Variants in MCC observed in about 807,000 individuals in gnomAD.
MCC encodes the protein MCC regulator of Wnt signaling pathway, also known as colorectal mutant cancer protein.
In MCC, 90 loss-of-function variants were observed where a neutral mutation model predicts 116.2. The ratio of observed to expected loss-of-function variants is 0.77; its 90% CI spans 0.65 to 0.92. The LOEUF (loss-of-function observed/expected upper bound fraction) is 0.92. MCC is among the 40% of genes least tolerant of loss of function. MCC has a pLI of 0.00. For missense variants in MCC, 1,516 were observed against 1,312.2 expected (o/e 1.16, Z -2.40); for synonymous variants, 578 against 510.5 (o/e 1.13, Z -1.78).
chr5:113,366,964 G>A (rs1768702940), intron 2 of MCC, among the ~76,000 whole-genome samples: 1 of 151,910 alleles, frequency 6.6e-6, no homozygotes, highest in Admixed American at 6.6e-5. Flanking sequence ...ACCATGTCTG[G>A]CTAATTTTTA....
chr5:113,113,950 A>G (rs1757249809), intron 6 of MCC, among the ~76,000 whole-genome samples: 3 of 148,970 alleles, frequency 2.0e-5, no homozygotes, highest in South Asian at 4.1e-4. Context: ...TGGACTGTCA[A>G]TGCTTCATCA....
intron 3 of MCC, among the ~76,000 whole-genome samples, chr5:113,304,540 G>T (rs1167266462): frequency 6.6e-6 from 1 of 152,144 alleles, no homozygotes; most frequent in Non-Finnish European, 1.5e-5. Context: ...AATGATTTGA[G>T]ATTCACTACT....
chr5:113,480,854 A>G (rs1176358416), intron 1 of MCC, among the ~76,000 whole-genome samples: 3 of 152,106 alleles, frequency 2.0e-5, no homozygotes, highest in Non-Finnish European at 4.4e-5. Flanking sequence ...AACTCACTGC[A>G]GCCTTGACCT....
chr5:113,303,260 T>A (rs1412737309), intron 3 of MCC, among the ~76,000 whole-genome samples: 1 of 152,166 alleles, frequency 6.6e-6, no homozygotes, highest in Non-Finnish European at 1.5e-5. Context: ...ATGTTGAAGG[T>A]CATGAGAACA....
chr5:113,216,568 T>C (rs1383164920), intron 3 of MCC, among the ~76,000 whole-genome samples: 1 of 152,192 alleles, frequency 6.6e-6, no homozygotes, highest in Non-Finnish European at 1.5e-5. Flanking sequence ...ACAGTAGCCA[T>C]CAAAAAATGT....
At chr5:113,297,219 G>T (rs564080423) in intron 3 of MCC, among the ~76,000 whole-genome samples, 1 of 152,156 alleles carries the variant, frequency 6.6e-6, no homozygotes, top group Non-Finnish European at 1.5e-5. Flanking sequence ...ATTAAGAAGG[G>T]ACGGCTGGCA....
In MCC at chr5:113,312,627, G is replaced by T. The variant is rs115920780; in HGVS notation, c.627+27892C>A. 4.0e-3 allele frequency among the ~76,000 whole-genome samples: 604 copies of T among 152,272 alleles called. 5 individuals are homozygous for T. The highest frequency in any genetic ancestry group is 0.013 in the African/African-American group (558 of 41,558). On this transcript the variant is annotated intron_variant, in intron 3 of 18. Transcript: ENST00000408903. ...AGGCAGTGACTAGAACAAATGAAAGGCTTTGTAGATGATGTGAAGGGTTTA... is the reference window on the plus strand; with the variant it reads ...AGGCAGTGACTAGAACAAATGAAAGTCTTTGTAGATGATGTGAAGGGTTTA...
rs1467364921 is a variant in MCC at position 113,079,221 on chromosome 5, G to A, written c.1784+3639C>T. ...AGGAAGAATCAATATTGTGAAAATG[G>A]CCATACTGCCCAAGGCAATTTATAG... On this transcript the variant is annotated intron_variant, in intron 11 of 18. Coordinates refer to ENST00000408903, the MANE Select transcript of MCC (RefSeq NM_001085377.2). Among the ~76,000 whole-genome samples the A allele has an allele frequency of 3.3e-5, 5 of 152,272 alleles. No homozygotes were observed. The East Asian group carries it at 7.7e-4, about 23-fold the overall frequency.
rs190694402 is a variant in MCC at position 113,135,085 on chromosome 5, G to A, written c.884+8133C>T. Among the ~76,000 whole-genome samples, 739 of 151,128 alleles carry A rather than the reference G, an allele frequency of 4.9e-3. 10 individuals carry two copies. Among genetic ancestry groups the A allele is most frequent in the African/African-American group, 0.017 (719 of 41,280 alleles). ...GCCTCCTGAGTAGCTGACTACAGGC[G>A]TCTGCCACCACACCTGGCTAATTTT... is the stretch of plus-strand genomic sequence containing the variant. On this transcript the variant is annotated intron_variant, in intron 5 of 18. Transcript: ENST00000408903.
chr5:113,418,119 G>A (rs1314236152), intron 1 of MCC, among the ~76,000 whole-genome samples: 1 of 151,904 alleles, frequency 6.6e-6, no homozygotes, highest in African/African-American at 2.4e-5. Context: ...TTTGTCTAAG[G>A]CCTACTTCTT....
chr5:113,151,180 C>T, intron 4 of MCC, 129 bp downstream of exon 4: 2 of 636,780 alleles, frequency 3.1e-6, no homozygotes, highest in Non-Finnish European at 5.6e-6. Flanking sequence ...CAGAGCAGAC[C>T]AAGACAGAGT....
chr5:113,395,743 C>A (rs1213480601), intron 1 of MCC, among the ~76,000 whole-genome samples: 1 of 152,164 alleles, frequency 6.6e-6, no homozygotes, highest in African/African-American at 2.4e-5. Context: ...ATATGCTGAG[C>A]TCCATACCAT....
intron 3 of MCC, among the ~76,000 whole-genome samples, chr5:113,186,475 C>T (rs898737967): frequency 4.0e-4 from 61 of 152,286 alleles, no homozygotes; most frequent in African/African-American, 1.3e-3. Flanking sequence ...TTGGCTACTG[C>T]CTTCCAAAAT....
chr5:113,244,049 T>G (rs912202844), intron 3 of MCC, among the ~76,000 whole-genome samples: 1 of 152,194 alleles, frequency 6.6e-6, no homozygotes, highest in East Asian at 1.9e-4. Flanking sequence ...GCAGGCAAAG[T>G]CAACACACAC....
chr5:113,090,712 C>T (rs1398561830), intron 8 of MCC, among the ~76,000 whole-genome samples: 2 of 152,234 alleles, frequency 1.3e-5, no homozygotes, highest in Admixed American at 1.3e-4. Context: ...AGAATGAGAA[C>T]AGAGGCTTTC....
intron 5 of MCC, among the ~76,000 whole-genome samples, chr5:113,133,004 CTTT>C (rs374102374): frequency 6.7e-6 from 1 of 149,048 alleles, no homozygotes; most frequent in Non-Finnish European, 1.5e-5. Flanking sequence ...CTATAACTTT[CTTT>C]TTTTTTTGTT....
At chr5:113,404,787 T>G (rs1438157263) in intron 1 of MCC, among the ~76,000 whole-genome samples, 1 of 149,788 alleles carries the variant, frequency 6.7e-6, no homozygotes, top group Non-Finnish European at 1.5e-5. Context: ...CTCTGTATAA[T>G]GGTGGCACAA....
At chr5:113,132,084 G>A (rs1052735628) in intron 5 of MCC, among the ~76,000 whole-genome samples, 4 of 151,642 alleles carry the variant, frequency 2.6e-5, no homozygotes, top group Non-Finnish European at 4.4e-5. Context: ...GGATATAAGC[G>A]TTTTTTTAAA....
At position 113,404,455 on chromosome 5, in the gene MCC, C is replaced by T. The variant is rs371221940; in HGVS notation, c.171-19243G>A. Among the ~76,000 whole-genome samples, 62 of 152,274 alleles carry T rather than the reference C, an allele frequency of 4.1e-4. No homozygotes were observed. In the South Asian group the frequency reaches 9.7e-3, roughly 24 times the overall value. On this transcript the variant is annotated intron_variant, in intron 1 of 18. Coordinates refer to ENST00000408903, the MANE Select transcript of MCC (RefSeq NM_001085377.2). ...ACACTGTGGCCAAGTTCAGAAAAAA[C>T]GCCCACCAGTGACAAAGGCCAGATC...
Sources: gnomAD v4.1 joint callset for allele counts (sites outside exome capture counted in the v4.1 genomes callset) on GRCh38, gnomAD v4.1.1 for gene constraint, MANE v1.5 for transcripts, NCBI Gene and HGNC (gene_info 2026-07-23, HGNC 2026-07-21) for gene names.